PISD: variants seen among roughly 807,000 people sequenced by gnomAD.
The protein encoded by PISD is phosphatidylserine decarboxylase.
Under a neutral mutation model 43.5 loss-of-function variants are expected in PISD, and 31 were observed. The ratio of observed to expected loss-of-function variants is 0.71; its 90% CI spans 0.54 to 0.96. The LOEUF is 0.96. PISD is among the 40% of genes least tolerant of loss of function. PISD has a pLI of 0.00. For synonymous variants in PISD, 259 were observed against 228.7 expected, an observed-to-expected ratio of 1.13 and a Z score of -1.20; for missense variants, 523 against 548.4, an observed-to-expected ratio of 0.95 and a Z score of 0.46.
intron 3 of PISD, among the ~76,000 whole-genome samples, chr22:31,646,017 T>C (rs971005150): frequency 1.3e-5 from 2 of 152,048 alleles, no homozygotes; most frequent in African/African-American, 2.4e-5. Flanking sequence ...CCCAAGCATT[T>C]TGGATAAGGG....
Position 31,650,704 on chromosome 22 carries a change from C to A in PISD, c.140G>T (p.Arg47Leu). 1 of 1,545,654 alleles carries A rather than the reference C, an allele frequency of 6.5e-7. No homozygotes were observed. The highest frequency in any genetic ancestry group is 8.8e-7 in the Non-Finnish European group (1 of 1,141,582). ...PLRKLPFRAFRTDARKIHTAP... is the reference protein window; with the variant it reads ...PLRKLPFRAFLTDARKIHTAP... ...CATCTCTAATTGCTCCTTACCTGTG[C>A]GAAAGGCTCTAAAAGGCAGCTTCCG... The change falls in exon 2 of 8, where the codon CGC becomes CTC. Residue 47 changes from arginine to leucine, a missense_variant. Transcript: ENST00000439502.
At chr22:31,637,155 AAAAAAAAAAAT>A (rs1192989384) in intron 3 of PISD, among the ~76,000 whole-genome samples, 367 of 44,712 alleles carry the variant, frequency 8.2e-3, no homozygotes, top group Non-Finnish European at 0.012. Context: ...AAAAAAAAAA[AAAAAAAAAAAT>A]ATATATATAT....
intron 1 of PISD, among the ~76,000 whole-genome samples, chr22:31,652,544 C>T (rs942459723): frequency 2.6e-5 from 4 of 151,872 alleles, no homozygotes; most frequent in East Asian, 1.9e-4. Context: ...TGATGGCTCA[C>T]GCCTGGAATC....
At chr22:31,660,278 T>C (rs1321695532) in intron 1 of PISD, among the ~76,000 whole-genome samples, 1 of 152,252 alleles carries the variant, frequency 6.6e-6, no homozygotes, top group Non-Finnish European at 1.5e-5. Flanking sequence ...CTTATCTATC[T>C]ACACTGGTAC....
intron 3 of PISD, chr22:31,629,060 A>C: frequency 1.0e-6 from 1 of 985,446 alleles, no homozygotes; most frequent in Non-Finnish European, 1.2e-6. Flanking sequence ...TGTTTTGGGG[A>C]TCCATACCAG....
Position 31,630,999 on chromosome 22 carries a change from G to A in PISD, c.322-9114C>T. The A allele has an allele frequency of 8.6e-6, 3 of 350,750 alleles. No homozygotes were observed. The highest frequency in any genetic ancestry group is 6.4e-5 in the Admixed American group (1 of 15,532). The allele number at this position is 350,750 out of a possible 1,614,324, so 21.7% of individuals were successfully genotyped here. ...TCCTGCTGGGCCGTCCGCCCAACCC[G>A]AGGGCCCCTTTAAGAGGAAGGGCCA... On this transcript the variant is annotated intron_variant, in intron 3 of 7. Coordinates refer to ENST00000439502, the MANE Select transcript of PISD (RefSeq NM_001326411.2). This position sits in a 1 kb window ranked among gnomAD's most constrained non-coding sequence, Gnocchi z 4.4.
intron 3 of PISD, among the ~76,000 whole-genome samples, chr22:31,635,555 CCA>C (rs1213943596): frequency 6.6e-6 from 1 of 152,192 alleles, no homozygotes; most frequent in East Asian, 1.9e-4. Flanking sequence ...TGCCTGCCTC[CCA>C]AAGTGCTGGG....
At chr22:31,648,403 G>T in intron 2 of PISD, 127 bp from the exon 3 acceptor site, 2 of 730,474 alleles carry the variant, frequency 2.7e-6, no homozygotes, top group Non-Finnish European at 4.5e-6. Context: ...AGGGGACCAG[G>T]CACATGGCTC....
At chr22:31,650,559 G>A (rs1315964862) in intron 2 of PISD, 140 bp downstream of exon 2, 9 of 466,636 alleles carry the variant, frequency 1.9e-5, no homozygotes, top group African/African-American at 8.4e-5. Context: ...AAAACCTAAC[G>A]CTTCAGTGAT....
At position 31,619,569 on chromosome 22, in the gene PISD, G is replaced by C. The variant is rs745901218; in HGVS notation, c.*43C>G. The C allele has an allele frequency of 6.5e-7, 1 of 1,538,004 alleles. No individual in the cohort carries two copies. The highest frequency in any genetic ancestry group is 1.1e-5 in the South Asian group (1 of 88,792). On this transcript the variant is annotated 3_prime_UTR_variant, in exon 8 of 8. Coordinates refer to ENST00000439502, the MANE Select transcript of PISD (RefSeq NM_001326411.2). ...TCCCTCTTGAAAAGACCCTCACTCT[G>C]TTTGGAAAAGATCCCTTAGCAGCCA...
chr22:31,659,963 C>A (rs1172370828), intron 1 of PISD, among the ~76,000 whole-genome samples: 2 of 152,210 alleles, frequency 1.3e-5, no homozygotes, highest in African/African-American at 4.8e-5. Context: ...TAACAAGCAT[C>A]CCAGCCCATT....
intron 3 of PISD, among the ~76,000 whole-genome samples, chr22:31,644,644 T>A (rs1020690326): frequency 6.6e-6 from 1 of 152,192 alleles, no homozygotes; most frequent in African/African-American, 2.4e-5. Context: ...GAACCAGAGG[T>A]GGGATTAGGA....
intron 3 of PISD, among the ~76,000 whole-genome samples, chr22:31,647,517 C>G (rs187893706): frequency 3.0e-3 from 456 of 152,266 alleles, no homozygotes; most frequent in Non-Finnish European, 4.5e-3. Context: ...AAAAAAAAGG[C>G]AATTGTTAAA....
chr22:31,621,950 T>A, intron 3 of PISD, 65 bp from the exon 4 acceptor site: 1 of 1,218,432 alleles, frequency 8.2e-7, no homozygotes, highest in African/African-American at 1.5e-5. Context: ...GCCCAAGTAG[T>A]GTCATTAGCC....
chr22:31,657,926 C>T (rs560647278), intron 1 of PISD, among the ~76,000 whole-genome samples: 1 of 152,146 alleles, frequency 6.6e-6, no homozygotes, highest in African/African-American at 2.4e-5. Flanking sequence ...TGAGTTCAAC[C>T]GTTTTAATTT....
chr22:31,660,299 CT>C (rs1347504068), intron 1 of PISD, among the ~76,000 whole-genome samples: 2 of 152,140 alleles, frequency 1.3e-5, no homozygotes, highest in Non-Finnish European at 2.9e-5. Context: ...TAAAACATAG[CT>C]TTTTTTCTTT....
At chr22:31,650,557 A>G (rs2074003959) in intron 2 of PISD, 142 bp downstream of exon 2, 1 of 514,680 alleles carries the variant, frequency 1.9e-6, no homozygotes, top group Non-Finnish European at 3.5e-6. Flanking sequence ...AGAAAACCTA[A>G]CGCTTCAGTG....
At position 31,662,173 on chromosome 22, in the gene PISD, T is replaced by C. The variant is rs765260314; in HGVS notation, c.36A>G (p.Leu12=). The change falls in exon 1 of 8, where the codon TTA becomes TTG. Residue 12 remains leucine, a synonymous_variant. Coordinates refer to ENST00000439502, the MANE Select transcript of PISD (RefSeq NM_001326411.2). ...TCCGCCACGGCGCGACCCCGTGCAGTAATCCCAGACATCGGTGCCCCACGG... is the reference window on the plus strand; with the variant it reads ...TCCGCCACGGCGCGACCCCGTGCAGCAATCCCAGACATCGGTGCCCCACGG... ...ATSVGHRCLG[L]LHGVAPWRSS... is the part of the protein sequence containing the mutation. The C allele has an allele frequency of 3.7e-6, 6 of 1,606,550 alleles. No individual in the cohort carries two copies. Among genetic ancestry groups the C allele is most frequent in the South Asian group, 3.3e-5 (3 of 91,092 alleles).
intron 6 of PISD, 27 bp from the exon 7 acceptor site, chr22:31,620,740 CCCCGTCCAGAG>C: frequency 6.2e-7 from 1 of 1,613,092 alleles, no homozygotes; most frequent in Non-Finnish European, 8.5e-7. Flanking sequence ...TGCCGCTACT[CCCCGTCCAGAG>C]CCCGGTGTGT....
Sources: allele counts gnomAD v4.1 joint callset (sites outside exome capture counted in the v4.1 genomes callset), GRCh38; gene constraint gnomAD v4.1.1; non-coding constraint Gnocchi (gnomAD v3.1); transcripts MANE v1.5; gene names NCBI Gene and HGNC (gene_info 2026-07-23, HGNC 2026-07-21).